Variants in KIF1A observed in about 807,000 individuals in gnomAD.
The protein encoded by KIF1A is kinesin-like protein KIF1A.
In KIF1A, 46 loss-of-function variants were observed where a neutral mutation model predicts 227.3. The ratio of observed to expected loss-of-function variants is 0.20; its 90% CI spans 0.16 to 0.26. The LOEUF is 0.26. Among genes scored for constraint, KIF1A ranks in the 10% least tolerant of loss-of-function variants. The probability of loss-of-function intolerance (pLI) is 1.00; values close to 1 mark genes in which losing one functional copy is unlikely to be tolerated. For missense variants in KIF1A, 1,683 were observed against 2,485.9 expected, an observed-to-expected ratio of 0.68 and a Z score of 6.87; for synonymous variants, 1,022 against 1,012.8, an observed-to-expected ratio of 1.01 and a Z score of -0.17.
Position 240,737,134 on chromosome 2 carries a change from G to T in KIF1A, c.3936C>A (p.Ser1312=), listed in dbSNP as rs753295506. The change falls in exon 38 of 49, where the codon TCC becomes TCA. Residue 1312 remains serine (S), a synonymous_variant. Coordinates refer to ENST00000498729, the MANE Select transcript of KIF1A (RefSeq NM_001244008.2). ...RIRNTPETDE[S]LIDPNILSLN... ...GAGACAAGATGTTGGGGTCGATCAGGGACTCGTCGGTCTCTGGAGTGTTTC... is the reference window on the plus strand; with the variant it reads ...GAGACAAGATGTTGGGGTCGATCAGTGACTCGTCGGTCTCTGGAGTGTTTC... The T allele has an allele frequency of 1.1e-5, 18 of 1,613,564 alleles. No homozygotes were observed. Among genetic ancestry groups the T allele is most frequent in the Non-Finnish European group, 1.5e-5 (18 of 1,179,698 alleles).
At chr2:240,781,744 A>G in intron 10 of KIF1A, 1 of 983,976 alleles carries the variant, frequency 1.0e-6, no homozygotes, top group Non-Finnish European at 1.2e-6. Flanking sequence ...GTTCCCACAC[A>G]GTTCCCCACA....
rs772395475 is a variant in KIF1A, at chr2:240,745,837, A to T, written c.3275T>A (p.Leu1092Gln). 1 of 1,612,826 alleles carries T rather than the reference A, an allele frequency of 6.2e-7. No homozygotes were observed. Among genetic ancestry groups the T allele is most frequent in the South Asian group, 1.1e-5 (1 of 90,866 alleles). ...AALDGPLDAALDHLRLGNTFT... is the reference protein window; with the variant it reads ...AALDGPLDAAQDHLRLGNTFT... ...GGTGTTGCCCAGGCGGAGGTGGTCC[A>T]GGGCAGCATCCAGGGGCCCATCCAG... Residue 1092 changes from leucine to glutamine, a missense_variant, in exon 31 of 49, where the codon CTG becomes CAG. Leu to Gln is a moderately radical substitution (Grantham distance 113). Coordinates refer to ENST00000498729, the MANE Select transcript of KIF1A (RefSeq NM_001244008.2).
intron 10 of KIF1A, among the ~76,000 whole-genome samples, chr2:240,781,393 CCACACACACACACAGCTCCA>C (rs1559524109): frequency 1.4e-4 from 5 of 36,416 alleles, no homozygotes; most frequent in East Asian, 6.9e-4. Context: ...ACACACAGCT[CCACACACACACACAGCTCCA>C]CACACACACA....
intron 1 of KIF1A, among the ~76,000 whole-genome samples, chr2:240,816,018 G>A (rs183549713): frequency 6.6e-6 from 1 of 152,148 alleles, no homozygotes; most frequent in South Asian, 2.1e-4. Context: ...GCCAATCTGA[G>A]GGGTAGGGGT....
chr2:240,786,625 G>C lies in KIF1A; in HGVS notation c.430-112C>G, dbSNP rs1042880508. 5 of 888,390 alleles carry C rather than the reference G, an allele frequency of 5.6e-6. No homozygotes were observed. The South Asian group carries it at 8.0e-5, about 14-fold the overall frequency. The allele number at this position is 888,390 out of a possible 1,614,324, so 55.0% of individuals were successfully genotyped here. A position where few individuals can be genotyped will look rare whatever the true frequency, so the allele number is the denominator to read the frequency against. On this transcript the variant is annotated intron_variant, in intron 5 of 48. Coordinates refer to ENST00000498729, the MANE Select transcript of KIF1A (RefSeq NM_001244008.2). ...GTCAACATAAGGACCCCTGAGTGAG[G>C]AGATGGGGGCCGCCATCAGGACCCC...
rs1364030043 is a variant in KIF1A at position 240,766,318 on chromosome 2, G to A, written c.1685-525C>T. ...TAGCCTGGGCTGTGGGCCATGTGAC[G>A]GCACACTGACACCACAGGCCCATCC... is the stretch of plus-strand genomic sequence containing the variant. On this transcript the variant is annotated intron_variant, in intron 19 of 48. Coordinates refer to ENST00000498729, the MANE Select transcript of KIF1A (RefSeq NM_001244008.2). This position sits in a 1 kb window ranked among gnomAD's most constrained non-coding sequence, Gnocchi z 5.0. 2.0e-5 allele frequency among the ~76,000 whole-genome samples: 3 copies of A among 152,202 alleles called. No individual in the cohort carries two copies. Among genetic ancestry groups the A allele is most frequent in the African/African-American group, 7.2e-5 (3 of 41,446 alleles).
intron 7 of KIF1A, among the ~76,000 whole-genome samples, chr2:240,784,106 C>A (rs2054414041): frequency 6.6e-6 from 1 of 152,214 alleles, no homozygotes; most frequent in African/African-American, 2.4e-5. Context: ...CGTACTCGCT[C>A]CCTATGGCAT....
Position 240,770,965 on chromosome 2 carries a change from C to T in KIF1A, c.1341+6G>A. On this transcript the variant is annotated splice_donor_region_variant and intron_variant, in intron 15 of 48. Coordinates refer to ENST00000498729, the MANE Select transcript of KIF1A (RefSeq NM_001244008.2). Reference sequence around the variant, plus strand: ...GACACCCTGAAGCCCCAGGTGGTGCCCTCACCTTCAGTCTTTCAATGGCCT... The same window carrying T: ...GACACCCTGAAGCCCCAGGTGGTGCTCTCACCTTCAGTCTTTCAATGGCCT... 1 of 1,609,610 alleles carries T rather than the reference C, an allele frequency of 6.2e-7. No homozygotes were observed. Among genetic ancestry groups the T allele is most frequent in the African/African-American group, 1.3e-5 (1 of 74,966 alleles).
chr2:240,788,364 C>A lies in KIF1A; in HGVS notation c.184-134G>T. On this transcript the variant is annotated intron_variant, in intron 3 of 48. Transcript: ENST00000498729. The surrounding 1 kb of genome is among the most constrained non-coding windows in gnomAD (Gnocchi z 6.6). ...GCACAGTGGGGAGGGATGCCTGCCC[C>A]CCATCCTACTCCTGCCTTGTGGGGT... is the stretch of plus-strand genomic sequence containing the variant. The A allele has an allele frequency of 1.3e-6, 1 of 759,246 alleles. No homozygotes were observed. Among genetic ancestry groups the A allele is most frequent in the Non-Finnish European group, 2.2e-6 (1 of 450,604 alleles). 47.0% of individuals were successfully genotyped at this position (759,246 alleles called of 1,614,324 possible). A position where few individuals can be genotyped will look rare whatever the true frequency, so the allele number is the denominator to read the frequency against.
intron 1 of KIF1A, among the ~76,000 whole-genome samples, chr2:240,815,976 C>T (rs1166718538): frequency 6.6e-6 from 1 of 152,130 alleles, no homozygotes; most frequent in East Asian, 1.9e-4. Flanking sequence ...TCTTCTTCCC[C>T]ACCCCTGGAA....
At position 240,726,590 on chromosome 2, in the gene KIF1A, G is replaced by A. The variant is rs777047226; in HGVS notation, c.4122+236C>T. ...CATTGCACTCCAGCCTGGGCGACAA[G>A]AGTGAGACTCGGTCTCAAAAACAAA... is the stretch of plus-strand genomic sequence containing the variant. On this transcript the variant is annotated intron_variant, in intron 39 of 48. Transcript: ENST00000498729. The surrounding 1 kb of genome is among the most constrained non-coding windows in gnomAD (Gnocchi z 5.2). 1.3e-5 allele frequency among the ~76,000 whole-genome samples: 2 copies of A among 152,132 alleles called. No homozygotes were observed. The highest frequency in any genetic ancestry group is 2.9e-5 in the Non-Finnish European group (2 of 68,028).
At chr2:240,798,201 A>G (rs2056615589) in intron 1 of KIF1A, among the ~76,000 whole-genome samples, 1 of 152,252 alleles carries the variant, frequency 6.6e-6, no homozygotes, top group Non-Finnish European at 1.5e-5. Context: ...CTGGCTCCAG[A>G]TCGACATGTC....
At position 240,716,035 on chromosome 2, in the gene KIF1A, C is replaced by A. The variant is rs2044565409; in HGVS notation, c.*1329G>T. 6.6e-6 allele frequency: 1 copy of A among 152,316 alleles called. No homozygotes were observed. 9.4% of individuals were successfully genotyped at this position (152,316 alleles called of 1,614,324 possible). On this transcript the variant is annotated 3_prime_UTR_variant, in exon 49 of 49. Coordinates refer to ENST00000498729, the MANE Select transcript of KIF1A (RefSeq NM_001244008.2). Reference sequence around the variant, plus strand: ...GACCAGACTCTCAGCTTGGGGCTGACCCCCGTCCTGTCCTGGGTGGCCCTC... The same window carrying A: ...GACCAGACTCTCAGCTTGGGGCTGAACCCCGTCCTGTCCTGGGTGGCCCTC...
intron 1 of KIF1A, among the ~76,000 whole-genome samples, chr2:240,800,105 G>GAC (rs3220094): frequency 0.077 from 10,926 of 142,798 alleles, 492 homozygotes; most frequent in African/African-American, 0.11. Context: ...GTCCAAAGCA[G>GAC]ACACACACAC....
chr2:240,821,102 T>G (rs1358466765), upstream of KIF1A, among the ~76,000 whole-genome samples: 4 of 149,118 alleles, frequency 2.7e-5, no homozygotes, highest in African/African-American at 5.0e-5. Context: ...CGACAAAGCC[T>G]CTGGGCAGCT....
At chr2:240,750,610 G>T in intron 27 of KIF1A, 63 bp from the exon 28 acceptor site, 3 of 1,198,684 alleles carry the variant, frequency 2.5e-6, no homozygotes, top group Non-Finnish European at 3.7e-6. Context: ...AACGGCAGCG[G>T]TGGCAGCATG....
intron 34 of KIF1A, among the ~76,000 whole-genome samples, chr2:240,741,725 T>G (rs1234463038): frequency 6.6e-6 from 1 of 152,082 alleles, no homozygotes; most frequent in African/African-American, 2.4e-5. Context: ...CCCACAACCC[T>G]CACGGGGCCG....
intron 1 of KIF1A, among the ~76,000 whole-genome samples, chr2:240,801,250 G>A (rs1216021577): frequency 6.6e-6 from 1 of 151,480 alleles, no homozygotes; most frequent in African/African-American, 2.4e-5. Flanking sequence ...CAAAATAAGA[G>A]CAAAAAGGAC....
chr2:240,781,760 C>A, intron 10 of KIF1A: 2 of 985,266 alleles, frequency 2.0e-6, no homozygotes, highest in Non-Finnish European at 2.4e-6. Context: ...CCACACAGTT[C>A]CCCACAGGGG....
Sources: allele counts gnomAD v4.1 joint callset (sites outside exome capture counted in the v4.1 genomes callset), GRCh38; gene constraint gnomAD v4.1.1; non-coding constraint Gnocchi (gnomAD v3.1); transcripts MANE v1.5; gene names NCBI Gene and HGNC (gene_info 2026-07-23, HGNC 2026-07-21).